Variants in SYNJ1 observed in about 807,000 individuals in gnomAD.
SYNJ1 encodes polyphosphatidylinositol phosphatase SYNJ1.
Under a neutral mutation model 168.2 loss-of-function variants are expected in SYNJ1, and 78 were observed. The ratio of observed to expected loss-of-function variants is 0.46; its 90% CI spans 0.39 to 0.56. The LOEUF (loss-of-function observed/expected upper bound fraction) is 0.56. Ranked by LOEUF, SYNJ1 falls within the 20% of genes least tolerant of loss-of-function variation. SYNJ1 has a pLI of 0.00. For synonymous variants in SYNJ1, 539 were observed against 548.6 expected, an observed-to-expected ratio of 0.98 and a Z score of 0.24; for missense variants, 1,303 against 1,597.6, an observed-to-expected ratio of 0.82 and a Z score of 3.14.
chr21:32,670,433 C>T, intron 14 of SYNJ1, 61 bp from the exon 15 acceptor site: 1 of 1,280,816 alleles, frequency 7.8e-7, no homozygotes, highest in East Asian at 2.4e-5. Flanking sequence ...GCAACCCCAT[C>T]CAACACAACA....
At position 32,631,713 on chromosome 21, in the gene SYNJ1, A is replaced by G; in HGVS notation, c.*92T>C. On this transcript the variant is annotated 3_prime_UTR_variant, in exon 33 of 33. Coordinates refer to ENST00000674351, the MANE Select transcript of SYNJ1 (RefSeq NM_203446.3). ...TTGAACAGATAGCTGAGCCTTTGAT[A>G]CAGCAAGCAGATTAAATGACAGATC... 6.2e-7 allele frequency: 1 copy of G among 1,614,234 alleles called. No individual in the cohort carries two copies. The highest frequency in any genetic ancestry group is 8.5e-7 in the Non-Finnish European group (1 of 1,180,040).
Position 32,679,689 on chromosome 21 carries a change from ACCAG to A in SYNJ1, c.1354-892_1354-889del, listed in dbSNP as rs1480154228. ...TTTCTTAAATGCCACTAAATGAAGA[ACCAG>A]TTTTCTTCAATGCCATTAAATGAAT... On this transcript the variant is annotated intron_variant, in intron 11 of 32. Transcript: ENST00000674351. Among the ~76,000 whole-genome samples, 6 of 152,292 alleles carry A rather than the reference ACCAG, an allele frequency of 3.9e-5. No homozygotes were observed. The East Asian group carries it at 1.2e-3, about 29-fold the overall frequency.
chr21:32,700,173 C>G, intron 3 of SYNJ1, 68 bp from the exon 4 acceptor site: 1 of 1,493,912 alleles, frequency 6.7e-7, no homozygotes, highest in South Asian at 1.3e-5. Context: ...TTTCTTCTTG[C>G]ACCTCTATTT....
At chr21:32,717,915 C>G (rs1374422685) in intron 2 of SYNJ1, among the ~76,000 whole-genome samples, 3 of 152,194 alleles carry the variant, frequency 2.0e-5, no homozygotes, top group African/African-American at 7.2e-5. Flanking sequence ...GCTGCTGTGG[C>G]CTGGAAGCTC....
rs35527256 is a variant in SYNJ1 at position 32,709,477 on chromosome 21, CAAAAAAAAAA to C, written c.125-7440_125-7431del. On this transcript the variant is annotated intron_variant, in intron 2 of 32. Coordinates refer to ENST00000674351, the MANE Select transcript of SYNJ1 (RefSeq NM_203446.3). ...TGGGCGACACAGCAAGACTCTGTCTCAAAAAAAAAAAAAAAAAAAAAAAAGAAAGAGATTT... is the reference window on the plus strand; with the variant it reads ...TGGGCGACACAGCAAGACTCTGTCTCAAAAAAAAAAAAAAGAAAGAGATTT... Among the ~76,000 whole-genome samples, 20 of 39,440 alleles carry C rather than the reference CAAAAAAAAAA, an allele frequency of 5.1e-4. 1 individual carries two copies. In the East Asian group the frequency reaches 9.8e-3, roughly 19 times the overall value. 25.9% of individuals were successfully genotyped at this position (39,440 alleles called of 152,430 possible).
Position 32,673,466 on chromosome 21 carries a change from G to A in SYNJ1, c.1600C>T (p.Arg534Ter), listed in dbSNP as rs1569075471. 1 of 1,612,774 alleles carries A rather than the reference G, an allele frequency of 6.2e-7. No individual in the cohort carries two copies. The highest frequency in any genetic ancestry group is 8.5e-7 in the Non-Finnish European group (1 of 1,179,438). Residue 534 changes from arginine to a stop codon, truncating the protein, a stop_gained, in exon 14 of 33, where the codon CGA becomes TGA. Transcript: ENST00000674351. LOFTEE classifies it high-confidence loss of function. The stretch of plus-strand genomic sequence containing the variant: ...ACATTCCAGGTTCCGACACATACTC[G>A]AATTTTCTTAGGCTTTGAATATTTG... ...FYKYSKPKKIRVCVGTWNVNG... is the reference protein window; with the variant it reads ...FYKYSKPKKI
At chr21:32,650,048 C>T (rs2040218794) in intron 23 of SYNJ1, 136 bp downstream of exon 23, 1 of 1,121,950 alleles carries the variant, frequency 8.9e-7, no homozygotes. Context: ...CCGCACCTGG[C>T]CAAAATACAT....
chr21:32,722,827 A>G (rs1479364398), intron 2 of SYNJ1, among the ~76,000 whole-genome samples: 1 of 152,208 alleles, frequency 6.6e-6, no homozygotes, highest in Non-Finnish European at 1.5e-5. Flanking sequence ...GTGCTACAAG[A>G]GTATTAGCAC....
At chr21:32,712,202 A>T (rs1458717277) in intron 2 of SYNJ1, among the ~76,000 whole-genome samples, 2 of 152,222 alleles carry the variant, frequency 1.3e-5, no homozygotes, top group Non-Finnish European at 1.5e-5. Context: ...CTAGAACCAC[A>T]ATTTGCCTGT....
At chr21:32,695,920 C>T (rs2146183239) in intron 4 of SYNJ1, among the ~76,000 whole-genome samples, 1 of 151,626 alleles carries the variant, frequency 6.6e-6, no homozygotes, top group East Asian at 1.9e-4. Flanking sequence ...GATCTTGGCT[C>T]ACTGCAAGCT....
At chr21:32,698,031 C>T (rs1476843078) in intron 4 of SYNJ1, among the ~76,000 whole-genome samples, 1 of 152,152 alleles carries the variant, frequency 6.6e-6, no homozygotes, top group Non-Finnish European at 1.5e-5. Context: ...ATGGTTTTAA[C>T]TCTTGGAAGC....
intron 2 of SYNJ1, among the ~76,000 whole-genome samples, chr21:32,705,061 A>G (rs1415343806): frequency 1.3e-5 from 2 of 151,838 alleles, no homozygotes; most frequent in Non-Finnish European, 2.9e-5. Context: ...AGGCAGGAGA[A>G]TCACTTGAAC....
At chr21:32,674,077 T>C (rs536062712) in intron 13 of SYNJ1, among the ~76,000 whole-genome samples, 2 of 152,330 alleles carry the variant, frequency 1.3e-5, no homozygotes, top group African/African-American at 4.8e-5. Context: ...CACTACTAAA[T>C]GCTTCCCATC....
At chr21:32,685,647 T>C in intron 9 of SYNJ1, 101 bp downstream of exon 9, 1 of 753,320 alleles carries the variant, frequency 1.3e-6, no homozygotes, top group Non-Finnish European at 1.8e-6. Context: ...GATATTTAAT[T>C]ATAAACTTTA....
intron 9 of SYNJ1, among the ~76,000 whole-genome samples, chr21:32,685,084 AG>A (rs1228135268): frequency 2.0e-5 from 3 of 150,162 alleles, no homozygotes; most frequent in Non-Finnish European, 4.4e-5. Flanking sequence ...CAGGAGGCTG[AG>A]GCAGGAGACT....
At chr21:32,645,944 C>A in intron 24 of SYNJ1, 155 bp from the exon 25 acceptor site, 3 of 1,123,666 alleles carry the variant, frequency 2.7e-6, no homozygotes, top group African/African-American at 1.5e-5. Context: ...AAGCAGTCTA[C>A]TATTAAACTG....
intron 15 of SYNJ1, among the ~76,000 whole-genome samples, chr21:32,668,645 T>A (rs1024826008): frequency 6.6e-6 from 1 of 152,236 alleles, no homozygotes; most frequent in Non-Finnish European, 1.5e-5. Flanking sequence ...CTAAAAATCT[T>A]TAAAAATGTC....
At chr21:32,690,853 C>G (rs7276517) in intron 6 of SYNJ1, among the ~76,000 whole-genome samples, 12,573 of 152,052 alleles carry the variant, frequency 0.083, 677 homozygotes, top group South Asian at 0.16. Context: ...AGCCGGGAGG[C>G]GGAGGTTGCG....
At chr21:32,672,336 CTTTT>C (rs1330963998) in intron 14 of SYNJ1, among the ~76,000 whole-genome samples, 6 of 150,182 alleles carry the variant, frequency 4.0e-5, no homozygotes, top group Admixed American at 2.7e-4. Flanking sequence ...TTCTTTCTTT[CTTTT>C]TTTTTGTTTT....
Sources: gnomAD v4.1 joint callset for allele counts (sites outside exome capture counted in the v4.1 genomes callset) on GRCh38, gnomAD v4.1.1 for gene constraint, MANE v1.5 for transcripts, NCBI Gene and HGNC (gene_info 2026-07-23, HGNC 2026-07-21) for gene names.